SENP2: variants seen among roughly 807,000 people sequenced by gnomAD.
SENP2 encodes the protein SUMO specific peptidase 2, also known as sentrin-specific protease 2.
A neutral mutation model predicts 86.3 loss-of-function variants in SENP2; 16 were observed. That is an observed-to-expected ratio of 0.19 (90% CI 0.13 to 0.28). The LOEUF (loss-of-function observed/expected upper bound fraction) is 0.28, where lower values mean the gene tolerates loss of function less well. Ranked by LOEUF, SENP2 falls within the 10% of genes least tolerant of loss-of-function variation. SENP2 has a pLI of 1.00. For synonymous variants in SENP2, 222 were observed against 238.7 expected (o/e 0.93, Z 0.64); for missense variants, 552 against 703.0 (o/e 0.79, Z 2.43).
chr3:185,627,986 A>G (rs530821144), intron 16 of SENP2, among the ~76,000 whole-genome samples: 1 of 152,240 alleles, frequency 6.6e-6, no homozygotes, highest in Non-Finnish European at 1.5e-5. Flanking sequence ...CCAGTAAAAA[A>G]TAAAGGCATT....
In SENP2 at chr3:185,630,731, T is replaced by A. The variant is rs180890570; in HGVS notation, c.*887T>A. 1 of 152,770 alleles carries A rather than the reference T, an allele frequency of 6.5e-6. No individual in the cohort carries two copies. Among genetic ancestry groups the A allele is most frequent in the East Asian group, 1.9e-4 (1 of 5,192 alleles). 9.5% of individuals were successfully genotyped at this position (152,770 alleles called of 1,614,324 possible). On this transcript the variant is annotated 3_prime_UTR_variant, in exon 17 of 17. Transcript: ENST00000296257. ...TCTGGTTGAGTATAAACCTCAGAAT[T>A]GTAGGGGCTGGCCTGAGCTGTTTAT... is the stretch of plus-strand genomic sequence containing the variant.
chr3:185,590,893 A>C (rs1721965001), intron 2 of SENP2, among the ~76,000 whole-genome samples: 1 of 135,426 alleles, frequency 7.4e-6, no homozygotes. Flanking sequence ...AAAAAAAAAG[A>C]AAGTCTCCTT....
chr3:185,623,826 C>CAAAAA (rs63707460), intron 14 of SENP2, among the ~76,000 whole-genome samples, 172 bp from the exon 15 acceptor site: 13,909 of 47,508 alleles, frequency 0.29, 2,238 homozygotes, highest in Non-Finnish European at 0.33. Flanking sequence ...GACTCTGTCT[C>CAAAAA]AAAAAAAAAA....
intron 1 of SENP2, among the ~76,000 whole-genome samples, chr3:185,587,753 GAGAC>G (rs1235521415): frequency 4.0e-5 from 1 of 24,874 alleles, no homozygotes; most frequent in Non-Finnish European, 8.1e-5. Flanking sequence ...TTTTTTTTTT[GAGAC>G]AGAGTCTCAT....
chr3:185,629,983 T>A lies in SENP2; in HGVS notation c.*139T>A. 1 of 784,442 alleles carries A rather than the reference T, an allele frequency of 1.3e-6. No individual in the cohort carries two copies. Among genetic ancestry groups the A allele is most frequent in the Non-Finnish European group, 2.1e-6 (1 of 469,516 alleles). The allele number at this position is 784,442 out of a possible 1,614,324, so 48.6% of individuals were successfully genotyped here. ...GAGCTGTCAAAAGTGCATGAAGGCC[T>A]CTCACTGTACTCTAGTCCTGACTTG... On this transcript the variant is annotated 3_prime_UTR_variant, in exon 17 of 17. Coordinates refer to ENST00000296257, the MANE Select transcript of SENP2 (RefSeq NM_021627.3).
At chr3:185,621,422 C>CGCTATCACCCAGGCTAGAGT (rs1711884675) in intron 13 of SENP2, among the ~76,000 whole-genome samples, 1 of 116,256 alleles carries the variant, frequency 8.6e-6, no homozygotes, top group Non-Finnish European at 1.6e-5. Flanking sequence ...GACAGAGTCT[C>CGCTATCACCCAGGCTAGAGT]GCTATCACCC....
intron 5 of SENP2, among the ~76,000 whole-genome samples, chr3:185,601,167 C>T (rs1382424022): frequency 6.6e-6 from 1 of 150,756 alleles, no homozygotes; most frequent in African/African-American, 2.4e-5. Context: ...CCTCAGCCTC[C>T]TGAGTAGCTG....
At position 185,599,027 on chromosome 3, in the gene SENP2, G is replaced by A. The variant is rs775529765; in HGVS notation, c.358+3G>A. The A allele has an allele frequency of 3.1e-6, 5 of 1,609,222 alleles. No individual in the cohort carries two copies. In the East Asian group the frequency reaches 1.1e-4, roughly 36 times the overall value. Reference sequence around the variant, plus strand: ...CTGGAACAACATGCTGAAACTGGGTGAGGTGGTCAAAAATATTTCTGTTTC... The same window carrying A: ...CTGGAACAACATGCTGAAACTGGGTAAGGTGGTCAAAAATATTTCTGTTTC... On this transcript the variant is annotated splice_donor_region_variant and intron_variant, in intron 4 of 16. Coordinates refer to ENST00000296257, the MANE Select transcript of SENP2 (RefSeq NM_021627.3).
At chr3:185,598,155 G>A (rs1722235577) in intron 2 of SENP2, among the ~76,000 whole-genome samples, 1 of 152,006 alleles carries the variant, frequency 6.6e-6, no homozygotes. Flanking sequence ...TGGGACTACA[G>A]GCGTGTGATA....
At chr3:185,601,449 T>A (rs1722341743) in intron 5 of SENP2, among the ~76,000 whole-genome samples, 1 of 152,194 alleles carries the variant, frequency 6.6e-6, no homozygotes, top group Non-Finnish European at 1.5e-5. Flanking sequence ...TAATTATGCA[T>A]ACAGAAAAGT....
At chr3:185,600,927 A>G in intron 5 of SENP2, 72 bp downstream of exon 5, 1 of 1,083,640 alleles carries the variant, frequency 9.2e-7, no homozygotes, top group Non-Finnish European at 1.4e-6. Context: ...AGGCAGTCTC[A>G]CTTTTGTTGT....
intron 16 of SENP2, among the ~76,000 whole-genome samples, chr3:185,628,124 A>T (rs566188766): frequency 5.7e-4 from 86 of 152,006 alleles, no homozygotes; most frequent in African/African-American, 2.0e-3. Context: ...GGAGGACATC[A>T]CTAGTTTATT....
chr3:185,593,975 G>A (rs1227212597), intron 2 of SENP2, among the ~76,000 whole-genome samples: 2 of 151,760 alleles, frequency 1.3e-5, no homozygotes, highest in Non-Finnish European at 2.9e-5. Context: ...GTGATCGCCC[G>A]CCTCGGCTTC....
intron 6 of SENP2, chr3:185,606,895 C>A: frequency 5.4e-6 from 2 of 368,018 alleles, no homozygotes; most frequent in Non-Finnish European, 1.1e-5. Flanking sequence ...AAACTTTTTT[C>A]AGAAATAAAA....
intron 13 of SENP2, 36 bp from the exon 14 acceptor site, chr3:185,621,790 T>G: frequency 1.6e-6 from 2 of 1,267,682 alleles, no homozygotes; most frequent in Non-Finnish European, 2.3e-6. Flanking sequence ...CTCTTACATT[T>G]AAGATGTTTC....
rs867273110 is a variant in SENP2, at chr3:185,617,950, G to T, written c.1242+339G>T. ...AGCTATTTTTTTGTTTTTGTTTTTT[G>T]GTTTTGTTTTTGAGACAGAGTTTTG... On this transcript the variant is annotated intron_variant, in intron 12 of 16. Coordinates refer to ENST00000296257, the MANE Select transcript of SENP2 (RefSeq NM_021627.3). Among the ~76,000 whole-genome samples, 520 of 152,016 alleles carry T rather than the reference G, an allele frequency of 3.4e-3. 5 individuals carry two copies. The highest frequency in any genetic ancestry group is 0.012 in the African/African-American group (491 of 41,484).
Position 185,586,342 on chromosome 3 carries a change from C to G in SENP2, c.-72C>G, listed in dbSNP as rs1268843564. ...GCGGTGGTGGTTAAGACGGCGAAGG[C>G]GGCAGCGGCGGCGACAGCTCTGGGG... On this transcript the variant is annotated 5_prime_UTR_variant, in exon 1 of 17. Coordinates refer to ENST00000296257, the MANE Select transcript of SENP2 (RefSeq NM_021627.3). The surrounding 1 kb of genome is among the most constrained non-coding windows in gnomAD (Gnocchi z 4.3). 2 of 1,592,982 alleles carry G rather than the reference C, an allele frequency of 1.3e-6. No individual in the cohort carries two copies. The highest frequency in any genetic ancestry group is 1.7e-6 in the Non-Finnish European group (2 of 1,170,312).
Position 185,586,616 on chromosome 3 carries a change from A to G in SENP2, c.101+102A>G, listed in dbSNP as rs1034908739. On this transcript the variant is annotated intron_variant, in intron 1 of 16. Coordinates refer to ENST00000296257, the MANE Select transcript of SENP2 (RefSeq NM_021627.3). This position sits in a 1 kb window ranked among gnomAD's most constrained non-coding sequence, Gnocchi z 4.3. Reference sequence around the variant, plus strand: ...TGATTCAGCCAGGCTCACCCGAAACAGGTCGCCGGGATCCTAGTGACGTAG... The same window carrying G: ...TGATTCAGCCAGGCTCACCCGAAACGGGTCGCCGGGATCCTAGTGACGTAG... 1.8e-6 allele frequency: 2 copies of G among 1,115,124 alleles called. No homozygotes were observed. The highest frequency in any genetic ancestry group is 2.6e-6 in the Non-Finnish European group (2 of 759,926). 69.1% of individuals were successfully genotyped at this position (1,115,124 alleles called of 1,614,324 possible).
chr3:185,626,212 T>G lies in SENP2; in HGVS notation c.1612-86T>G, dbSNP rs1478989297. ...TAATATTTACCTTTATAATATTGTT[T>G]ACAGCAATATTTAGAAAAAGTCCAA... is the stretch of plus-strand genomic sequence containing the variant. On this transcript the variant is annotated intron_variant, in intron 15 of 16. Transcript: ENST00000296257. 5 of 810,928 alleles carry G rather than the reference T, an allele frequency of 6.2e-6. No homozygotes were observed. The Admixed American group carries it at 6.5e-5, about 11-fold the overall frequency. The allele number at this position is 810,928 out of a possible 1,614,324, so 50.2% of individuals were successfully genotyped here. A position where few individuals can be genotyped will look rare whatever the true frequency, so the allele number is the denominator to read the frequency against.
Sources: allele counts gnomAD v4.1 joint callset (sites outside exome capture counted in the v4.1 genomes callset), GRCh38; gene constraint gnomAD v4.1.1; non-coding constraint Gnocchi (gnomAD v3.1); transcripts MANE v1.5; gene names NCBI Gene and HGNC (gene_info 2026-07-23, HGNC 2026-07-21).